Variants in SGCZ observed in about 807,000 individuals in gnomAD.
SGCZ encodes the protein zeta-sarcoglycan.
SGCZ carries 40 observed loss-of-function variants against 41.3 expected under a neutral mutation model. The ratio of observed to expected loss-of-function variants is 0.97; its 90% confidence interval spans 0.75 to 1.26. The LOEUF is 1.26. SGCZ is among the 50% of genes most tolerant of loss of function. The pLI is 0.00. For synonymous variants in SGCZ, 206 were observed against 137.5 expected (o/e 1.50, Z -3.49); for missense variants, 552 against 369.8 (o/e 1.49, Z -4.04).
At chr8:15,084,650 G>T (rs573023918) in intron 1 of SGCZ, among the ~76,000 whole-genome samples, 32 of 152,258 alleles carry the variant, frequency 2.1e-4, no homozygotes, top group African/African-American at 6.7e-4. Flanking sequence ...TACTCGGAAG[G>T]TTGAGGCAGG....
chr8:14,847,260 T>A (rs1358184698), intron 1 of SGCZ, among the ~76,000 whole-genome samples: 1 of 152,160 alleles, frequency 6.6e-6, no homozygotes, highest in Non-Finnish European at 1.5e-5. Flanking sequence ...ATTCATTTTA[T>A]GAACTCAATA....
chr8:14,423,348 T>G lies in SGCZ; in HGVS notation c.235-99144A>C, dbSNP rs1307058816. 2.6e-5 allele frequency among the ~76,000 whole-genome samples: 4 copies of G among 152,150 alleles called. No homozygotes were observed. The East Asian group carries it at 7.7e-4, about 29-fold the overall frequency. ...AAAGAAAAAAAAGTAAACTGTATCCTACTTAATTTTTTAAAGATCTTATCC... is the reference window on the plus strand; with the variant it reads ...AAAGAAAAAAAAGTAAACTGTATCCGACTTAATTTTTTAAAGATCTTATCC... On this transcript the variant is annotated intron_variant, in intron 2 of 7. Coordinates refer to ENST00000382080, the MANE Select transcript of SGCZ (RefSeq NM_139167.4).
chr8:14,179,829 C>T (rs935828414), intron 4 of SGCZ, among the ~76,000 whole-genome samples: 1 of 152,088 alleles, frequency 6.6e-6, no homozygotes, highest in African/African-American at 2.4e-5. Context: ...GATACTCATT[C>T]CTCACTTGGT....
rs1803913781 is a variant in SGCZ at position 14,552,826 on chromosome 8, T to C, written c.234+1906A>G. 1.3e-5 allele frequency among the ~76,000 whole-genome samples: 2 copies of C among 152,216 alleles called. 1 individual carries two copies. The highest frequency in any genetic ancestry group is 4.8e-5 in the African/African-American group (2 of 41,548). On this transcript the variant is annotated intron_variant, in intron 2 of 7. Transcript: ENST00000382080. Reference sequence around the variant, plus strand: ...TATATTTTCCTAATTAATTTAAATATGCTTGAAAAGCTCACAAGGCTTGAA... The same window carrying C: ...TATATTTTCCTAATTAATTTAAATACGCTTGAAAAGCTCACAAGGCTTGAA...
intron 2 of SGCZ, among the ~76,000 whole-genome samples, chr8:14,467,228 G>A (rs1585554281): frequency 1.3e-5 from 2 of 151,958 alleles, no homozygotes; most frequent in Non-Finnish European, 2.9e-5. Context: ...TTCTGAAGAT[G>A]CTAGTCTTTA....
chr8:14,445,646 G>A (rs1010886807), intron 2 of SGCZ, among the ~76,000 whole-genome samples: 1 of 152,064 alleles, frequency 6.6e-6, no homozygotes, highest in African/African-American at 2.4e-5. Flanking sequence ...ATTATCCTTG[G>A]ACATCGAACA....
intron 3 of SGCZ, among the ~76,000 whole-genome samples, chr8:14,279,199 G>C (rs1354613585): frequency 6.6e-6 from 1 of 151,950 alleles, no homozygotes; most frequent in African/African-American, 2.4e-5. Context: ...AGGGGGGAAA[G>C]GGGAAAAGTA....
chr8:14,955,629 T>G (rs1800767533), intron 1 of SGCZ, among the ~76,000 whole-genome samples: 1 of 152,224 alleles, frequency 6.6e-6, no homozygotes, highest in Non-Finnish European at 1.5e-5. Context: ...TGATTTCACT[T>G]TCCTAGTTAC....
intron 1 of SGCZ, among the ~76,000 whole-genome samples, chr8:14,757,180 C>G (rs1300183654): frequency 6.6e-6 from 1 of 152,174 alleles, no homozygotes; most frequent in East Asian, 1.9e-4. Flanking sequence ...TCCCTAGTAG[C>G]TGGGATTACA....
At chr8:14,915,960 T>G (rs1403973315) in intron 1 of SGCZ, among the ~76,000 whole-genome samples, 1 of 152,196 alleles carries the variant, frequency 6.6e-6, no homozygotes, top group Non-Finnish European at 1.5e-5. Flanking sequence ...TTTTAACATG[T>G]GTTCCAGCAG....
At chr8:15,030,931 C>A (rs988410865) in intron 1 of SGCZ, among the ~76,000 whole-genome samples, 5 of 152,066 alleles carry the variant, frequency 3.3e-5, no homozygotes, top group Admixed American at 3.3e-4. Context: ...TTACTGACAC[C>A]ATGATGCAGG....
At chr8:15,107,408 T>A (rs912753832) in intron 1 of SGCZ, among the ~76,000 whole-genome samples, 2 of 152,138 alleles carry the variant, frequency 1.3e-5, no homozygotes, top group African/African-American at 2.4e-5. Context: ...ATTAATAACC[T>A]CCTTCAGGGT....
chr8:14,118,492 T>A (rs978254773), intron 5 of SGCZ, among the ~76,000 whole-genome samples: 1 of 152,150 alleles, frequency 6.6e-6, no homozygotes, highest in Non-Finnish European at 1.5e-5. Flanking sequence ...TTGCAAAAAC[T>A]TTCTCCCATT....
At chr8:15,161,147 C>T (rs112766070) in intron 1 of SGCZ, among the ~76,000 whole-genome samples, 68 of 152,190 alleles carry the variant, frequency 4.5e-4, no homozygotes, top group African/African-American at 1.5e-3. Context: ...TCTTCACCCT[C>T]CTCCTGTGGG....
intron 1 of SGCZ, among the ~76,000 whole-genome samples, chr8:15,212,499 T>G (rs1240757015): frequency 6.6e-6 from 1 of 152,176 alleles, no homozygotes; most frequent in African/African-American, 2.4e-5. Flanking sequence ...TGGGGAATTA[T>G]TTCCTTGATA....
chr8:14,777,592 G>C (rs973973862), intron 1 of SGCZ, among the ~76,000 whole-genome samples: 3 of 152,080 alleles, frequency 2.0e-5, no homozygotes, highest in Non-Finnish European at 4.4e-5. Context: ...TTCATTACTG[G>C]TTTGATAATT....
chr8:15,228,725 G>C (rs1444382532), intron 1 of SGCZ, among the ~76,000 whole-genome samples: 1 of 152,146 alleles, frequency 6.6e-6, no homozygotes, highest in Non-Finnish European at 1.5e-5. Flanking sequence ...AGGTAGAGGT[G>C]TTAACCTAAG....
chr8:14,912,455 C>G (rs1799304511), intron 1 of SGCZ, among the ~76,000 whole-genome samples: 1 of 151,966 alleles, frequency 6.6e-6, no homozygotes, highest in Non-Finnish European at 1.5e-5. Context: ...ATGTTGAGAA[C>G]TATACATATT....
At chr8:14,110,466 A>G (rs1324248962) in intron 5 of SGCZ, among the ~76,000 whole-genome samples, 1 of 152,212 alleles carries the variant, frequency 6.6e-6, no homozygotes, top group Non-Finnish European at 1.5e-5. Context: ...GTGAGAATTA[A>G]AAACTGATAG....
Sources: allele counts gnomAD v4.1 joint callset (sites outside exome capture counted in the v4.1 genomes callset), GRCh38; gene constraint gnomAD v4.1.1; transcripts MANE v1.5; gene names NCBI Gene and HGNC (gene_info 2026-07-23, HGNC 2026-07-21).